TIGD4: variants seen among roughly 807,000 people sequenced by gnomAD.
The protein encoded by TIGD4 is tigger transposable element-derived protein 4.
In TIGD4, 20 loss-of-function variants were observed where a neutral mutation model predicts 24.9. The ratio of observed to expected loss-of-function variants is 0.80; its 90% confidence interval spans 0.56 to 1.17. TIGD4 has a LOEUF of 1.17. Ranked by LOEUF, TIGD4 falls within the 50% of genes most tolerant of loss-of-function variation. The pLI is 0.00. For missense variants in TIGD4, 566 were observed against 591.0 expected (o/e 0.96, Z 0.44); for synonymous variants, 193 against 211.0 (o/e 0.91, Z 0.74).
intron 1 of TIGD4, among the ~76,000 whole-genome samples, chr4:152,775,044 T>C (rs185625966): frequency 1.2e-4 from 19 of 152,224 alleles, no homozygotes; most frequent in South Asian, 6.2e-4. Flanking sequence ...GCCTCCCAAG[T>C]AGCTGTGACT....
At chr4:152,773,158 G>T (rs923214940) in intron 1 of TIGD4, among the ~76,000 whole-genome samples, 1 of 152,184 alleles carries the variant, frequency 6.6e-6, no homozygotes, top group Non-Finnish European at 1.5e-5. Context: ...GATGAGCAGT[G>T]TTACTTCTGT....
At position 152,770,919 on chromosome 4, in the gene TIGD4, A is replaced by G. The variant is rs776056483; in HGVS notation, c.86T>C (p.Ile29Thr). Residue 29 changes from isoleucine to threonine, a missense_variant, in exon 2 of 2, where the codon ATC (isoleucine) becomes ACC (threonine). By Grantham distance (89) the Ile-to-Thr change is moderately conservative (BLOSUM62 -1). Coordinates refer to ENST00000304337, the MANE Select transcript of TIGD4 (RefSeq NM_145720.4). ...CTTGCCACTTTCCACTGCATTTATG[A>G]TGTCGATCTTTTCCTCAATGGATAG... ...KSLSIEEKID[I>T]INAVESGKKK... 10 of 1,613,726 alleles carry G rather than the reference A, an allele frequency of 6.2e-6. No homozygotes were observed. In the Admixed American group the frequency reaches 1.0e-4, roughly 16 times the overall value.
chr4:152,770,287 G>A lies in TIGD4; in HGVS notation c.718C>T (p.His240Tyr). 1 of 1,614,018 alleles carries A rather than the reference G, an allele frequency of 6.2e-7. No individual in the cohort carries two copies. Among genetic ancestry groups the A allele is most frequent in the Non-Finnish European group, 8.5e-7 (1 of 1,179,938 alleles). ...AATGATTTTAAACCTTTGAAACAAT[G>A]TGGAGTTCTCTTTTTTCCAATGACA... ...LLVIGKKRTP[H>Y]CFKGLKSLPV... Residue 240 changes from histidine to tyrosine, a missense_variant, in exon 2 of 2, where the codon CAT becomes TAT. Physicochemically the swap from His to Tyr is moderately conservative, Grantham distance 83 (BLOSUM62 2). Transcript: ENST00000304337.
chr4:152,770,771 T>C lies in TIGD4; in HGVS notation c.234A>G (p.Arg78=), dbSNP rs186815381. The change falls in exon 2 of 2, where the codon AGA becomes AGG. Residue 78 remains arginine, a synonymous_variant. Transcript: ENST00000304337. ...ESLRFDPKRK[R]LRTAFYTDLE... ...GATCTGTGTAAAAAGCAGTTCTCAG[T>C]CTTTTTCTCTTTGGATCAAATCTTA... 1 of 1,611,902 alleles carries C rather than the reference T, an allele frequency of 6.2e-7. No individual in the cohort carries two copies. The highest frequency in any genetic ancestry group is 2.2e-5 in the East Asian group (1 of 44,876).
intron 1 of TIGD4, among the ~76,000 whole-genome samples, chr4:152,774,006 TTTCCTTCCCTTTTTTCTTTCC>T (rs1561086082): frequency 6.6e-6 from 1 of 151,846 alleles, no homozygotes; most frequent in African/African-American, 2.4e-5. Context: ...TCCTCTTTTC[TTTCCTTCCCTTTTTTCTTTCC>T]TTCCTTCCCT....
chr4:152,778,196 C>A (rs1311625332), intron 1 of TIGD4, among the ~76,000 whole-genome samples: 6 of 152,142 alleles, frequency 3.9e-5, no homozygotes, highest in Non-Finnish European at 8.8e-5. Context: ...AATAGTTAGA[C>A]TAACTTTAGT....
intron 1 of TIGD4, among the ~76,000 whole-genome samples, chr4:152,772,751 G>A (rs771200939): frequency 9.4e-5 from 14 of 149,194 alleles, no homozygotes; most frequent in South Asian, 2.1e-4. Flanking sequence ...TCACTCTGTC[G>A]CCCAGGCTGG....
At chr4:152,777,394 C>T (rs778615892) in intron 1 of TIGD4, among the ~76,000 whole-genome samples, 1 of 152,094 alleles carries the variant, frequency 6.6e-6, no homozygotes, top group Non-Finnish European at 1.5e-5. Flanking sequence ...GGCAGCTATT[C>T]CCTTTTTTCT....
intron 1 of TIGD4, among the ~76,000 whole-genome samples, chr4:152,773,390 A>G (rs1730209946): frequency 6.6e-6 from 1 of 152,212 alleles, no homozygotes; most frequent in Non-Finnish European, 1.5e-5. Context: ...ATGATAGCCC[A>G]GGGTTTTAGT....
chr4:152,770,025 T>C lies in TIGD4; in HGVS notation c.980A>G (p.Lys327Arg). Residue 327 changes from lysine to arginine, a missense_variant, in exon 2 of 2, where the codon AAA (lysine) becomes AGA (arginine). By Grantham distance (26) the Lys-to-Arg change is conservative (BLOSUM62 2). Transcript: ENST00000304337. ...GATAAGACAGTGTCGATATTTGATTTTAAGGCTTTTAATAACACCTTGTTT... is the reference window on the plus strand; with the variant it reads ...GATAAGACAGTGTCGATATTTGATTCTAAGGCTTTTAATAACACCTTGTTT... ...AMKQGVIKSL[K>R]IKYRHCLIKK... 1 of 1,611,526 alleles carries C rather than the reference T, an allele frequency of 6.2e-7. No homozygotes were observed. Among genetic ancestry groups the C allele is most frequent in the Non-Finnish European group, 8.5e-7 (1 of 1,178,290 alleles).
At chr4:152,776,610 C>T (rs1444765289) in intron 1 of TIGD4, among the ~76,000 whole-genome samples, 1 of 152,156 alleles carries the variant, frequency 6.6e-6, no homozygotes. Flanking sequence ...AGATAGATAG[C>T]AACTATATCC....
intron 1 of TIGD4, among the ~76,000 whole-genome samples, chr4:152,774,015 CT>C (rs1158847205): frequency 1.3e-5 from 2 of 151,670 alleles, no homozygotes; most frequent in African/African-American, 2.4e-5. Flanking sequence ...CTTTCCTTCC[CT>C]TTTTTCTTTC....
chr4:152,772,268 CA>C (rs1249105524), intron 1 of TIGD4, among the ~76,000 whole-genome samples: 1 of 151,684 alleles, frequency 6.6e-6, no homozygotes, highest in Non-Finnish European at 1.5e-5. Context: ...GAGTATAATG[CA>C]GAAAAAGATG....
rs1316281071 is a variant in TIGD4 at position 152,770,412 on chromosome 4, G to T, written c.593C>A (p.Ala198Glu). Residue 198 changes from alanine to glutamate, a missense_variant, in exon 2 of 2, where the codon GCA becomes GAA. Physicochemically the swap from Ala to Glu is moderately radical, Grantham distance 107. Coordinates refer to ENST00000304337, the MANE Select transcript of TIGD4 (RefSeq NM_145720.4). ...LYRMLPTNTF[A>E]FKGETCSVGK... ...AACTGAACATGTTTCGCCTTTAAAT[G>T]CAAATGTATTGGTAGGTAACATTCG... 4.3e-6 allele frequency: 7 copies of T among 1,614,060 alleles called. No individual in the cohort carries two copies. Among genetic ancestry groups the T allele is most frequent in the Non-Finnish European group, 5.9e-6 (7 of 1,179,962 alleles).
chr4:152,775,934 C>T (rs79905315), intron 1 of TIGD4, among the ~76,000 whole-genome samples: 5,693 of 152,164 alleles, frequency 0.037, 182 homozygotes, highest in East Asian at 0.12. Flanking sequence ...ACCTGCTACA[C>T]GGGACTATTC....
chr4:152,775,602 T>C (rs1730247241), intron 1 of TIGD4, among the ~76,000 whole-genome samples: 1 of 152,226 alleles, frequency 6.6e-6, no homozygotes, highest in African/African-American at 2.4e-5. Context: ...CTCAGGTCCT[T>C]GTCTGTGGGA....
chr4:152,773,772 T>C (rs539569068), intron 1 of TIGD4, among the ~76,000 whole-genome samples: 26 of 150,866 alleles, frequency 1.7e-4, no homozygotes, highest in Non-Finnish European at 3.4e-4. Flanking sequence ...GATTTGACCA[T>C]ACAACTAACA....
chr4:152,779,712 C>G lies in TIGD4; in HGVS notation c.-769G>C, dbSNP rs1323558843. The G allele has an allele frequency of 6.6e-6, 1 of 152,324 alleles. No individual in the cohort carries two copies. The highest frequency in any genetic ancestry group is 2.4e-5 in the African/African-American group (1 of 41,466). 9.4% of individuals were successfully genotyped at this position (152,324 alleles called of 1,614,324 possible). On this transcript the variant is annotated 5_prime_UTR_variant, in exon 1 of 2. Transcript: ENST00000304337. ...GGCGCCCTTCCGCAAGCTCCCAGCT[C>G]TAGCCGGTGCCTCTGGCCCCGCGCG...
chr4:152,769,701 T>C lies in TIGD4; in HGVS notation c.1304A>G (p.Asn435Ser), dbSNP rs1476391694. The C allele has an allele frequency of 5.6e-6, 9 of 1,613,778 alleles. No individual in the cohort carries two copies. The highest frequency in any genetic ancestry group is 2.2e-5 in the East Asian group (1 of 44,900). The change falls in exon 2 of 2, where the codon AAT becomes AGT. Residue 435 changes from asparagine (N) to serine (S), a missense_variant. Asn to Ser is a conservative substitution (Grantham distance 46, BLOSUM62 1). Transcript: ENST00000304337. Reference protein sequence around the residue: ...DDLETCEAAPNGDSICTKESK... With the variant: ...DDLETCEAAPSGDSICTKESK... ...TTCTTTGGTGCATATGGAATCACCA[T>C]TTGGTGCTGCTTCACATGTCTCCAA...
Sources: allele counts gnomAD v4.1 joint callset (sites outside exome capture counted in the v4.1 genomes callset), GRCh38; gene constraint gnomAD v4.1.1; transcripts MANE v1.5; gene names NCBI Gene and HGNC (gene_info 2026-07-23, HGNC 2026-07-21).